The following DZANK1 variants were observed in gnomAD, a reference collection of about 807,000 sequenced individuals.
DZANK1 encodes double zinc ribbon and ankyrin repeat domains 1, also known as double zinc ribbon and ankyrin repeat-containing protein 1.
Under a neutral mutation model 94.5 loss-of-function variants are expected in DZANK1, and 91 were observed. The ratio of observed to expected loss-of-function variants is 0.96; its 90% CI spans 0.81 to 1.15. The LOEUF (loss-of-function observed/expected upper bound fraction) is 1.15, where lower values mean the gene tolerates loss of function less well. Among genes scored for constraint, DZANK1 ranks in the 50% most tolerant of loss-of-function variants. The probability of loss-of-function intolerance (pLI) is 0.00; values close to 1 mark genes in which losing one functional copy is unlikely to be tolerated. For missense variants in DZANK1, 903 were observed against 916.4 expected, an observed-to-expected ratio of 0.99 and a Z score of 0.19; for synonymous variants, 312 against 325.3, an observed-to-expected ratio of 0.96 and a Z score of 0.44.
chr20:18,386,649 A>C (rs561217514), intron 19 of DZANK1, among the ~76,000 whole-genome samples: 3 of 152,314 alleles, frequency 2.0e-5, no homozygotes, highest in East Asian at 1.9e-4. Flanking sequence ...ACAGAAAAGA[A>C]AGACAGACAT....
intron 13 of DZANK1, among the ~76,000 whole-genome samples, chr20:18,401,696 G>A (rs755862349): frequency 1.9e-4 from 29 of 152,212 alleles, no homozygotes; most frequent in Admixed American, 1.2e-3. Flanking sequence ...TGGGTTGGGT[G>A]CTGGCTCAGG....
chr20:18,429,188 A>G (rs753413273), intron 9 of DZANK1, among the ~76,000 whole-genome samples: 9 of 152,222 alleles, frequency 5.9e-5, no homozygotes, highest in Non-Finnish European at 1.0e-4. Context: ...GTTAAAAAAT[A>G]CTGAGATCAA....
intron 9 of DZANK1, among the ~76,000 whole-genome samples, chr20:18,429,628 T>G (rs2058200174): frequency 6.6e-6 from 1 of 152,166 alleles, no homozygotes. Context: ...TACATTAGGG[T>G]CCAGCACTCA....
chr20:18,415,681 T>C (rs970298583), intron 10 of DZANK1, among the ~76,000 whole-genome samples: 5 of 152,152 alleles, frequency 3.3e-5, no homozygotes, highest in Non-Finnish European at 5.9e-5. Flanking sequence ...AGAAAGTCAA[T>C]GAAACTGGTA....
intron 13 of DZANK1, among the ~76,000 whole-genome samples, chr20:18,398,947 C>T (rs1600758898): frequency 1.3e-5 from 2 of 151,922 alleles, no homozygotes; most frequent in South Asian, 4.2e-4. Context: ...GCCTGGCCAA[C>T]ATGGTGAAAC....
At chr20:18,421,877 C>T (rs999399238) in intron 10 of DZANK1, among the ~76,000 whole-genome samples, 2 of 152,156 alleles carry the variant, frequency 1.3e-5, no homozygotes, top group Non-Finnish European at 2.9e-5. Flanking sequence ...CCATGCAGGA[C>T]TGCTCCCTTT....
At chr20:18,464,651 T>G (rs558446231) in intron 2 of DZANK1, among the ~76,000 whole-genome samples, 1 of 151,050 alleles carries the variant, frequency 6.6e-6, no homozygotes, top group Admixed American at 6.6e-5. Flanking sequence ...TTGGAAAAGT[T>G]TGGGGAGCAC....
At chr20:18,398,735 C>A in intron 13 of DZANK1, 109 bp from the exon 14 acceptor site, 1 of 1,082,854 alleles carries the variant, frequency 9.2e-7, no homozygotes. Flanking sequence ...CTTTGTCAAA[C>A]TTTGTGATGG....
Position 18,398,631 on chromosome 20 carries a change from GA to G in DZANK1, c.1433-6del, listed in dbSNP as rs2056497195. ...CCAGCTGTCTTCTCCAGTACCCTAA[GA>G]AAGAAGAGAAACCCCGCCATCTGGA... On this transcript the variant is annotated splice_polypyrimidine_tract_variant and splice_region_variant and intron_variant, in intron 13 of 20. Coordinates refer to ENST00000262547, the Ensembl canonical transcript of DZANK1. The G allele has an allele frequency of 6.2e-7, 1 of 1,612,722 alleles. No individual in the cohort carries two copies.
intron 9 of DZANK1, among the ~76,000 whole-genome samples, chr20:18,429,917 A>AC (rs1233411824): frequency 3.9e-5 from 6 of 152,316 alleles, no homozygotes; most frequent in Admixed American, 3.9e-4. Flanking sequence ...AATTGAGGCT[A>AC]CCATCAGATG....
In DZANK1 at chr20:18,449,085, T is replaced by C. The variant is rs2058999139; in HGVS notation, c.544-16A>G. ...AACCGGGGGACTAAAATTAAGAATA[T>C]AGGTATAAAGACAGAGTCATATAGT... On this transcript the variant is annotated splice_polypyrimidine_tract_variant and intron_variant, in intron 6 of 20. Transcript: ENST00000262547. The C allele has an allele frequency of 1.2e-6, 2 of 1,605,878 alleles. No homozygotes were observed. Among genetic ancestry groups the C allele is most frequent in the Admixed American group, 1.7e-5 (1 of 59,944 alleles).
chr20:18,445,666 T>G (rs1474379660), intron 7 of DZANK1, among the ~76,000 whole-genome samples: 1 of 152,158 alleles, frequency 6.6e-6, no homozygotes, highest in African/African-American at 2.4e-5. Flanking sequence ...TTTGGGAGAC[T>G]AAGGTGGGAG....
chr20:18,412,532 G>T (rs1477171289), intron 13 of DZANK1, 114 bp downstream of exon 13: 1 of 1,106,768 alleles, frequency 9.0e-7, no homozygotes, highest in Non-Finnish European at 1.3e-6. Context: ...GGAAAAGAAA[G>T]AAACTTACTT....
At chr20:18,453,959 CCT>C (rs755892256) in intron 4 of DZANK1, 132 bp from the exon 5 acceptor site, 30 of 775,026 alleles carry the variant, frequency 3.9e-5, no homozygotes, top group Admixed American at 1.2e-4. Context: ...CAAAGTGACC[CCT>C]GTTTCACTTT....
chr20:18,453,814 C>T lies in DZANK1; in HGVS notation c.392G>A (p.Gly131Glu), dbSNP rs777697751. ...TTTCTTTAGTTTTGATCCAACAAATCCATTTTTGAATTCCTAGGAATGAAG... is the reference window on the plus strand; with the variant it reads ...TTTCTTTAGTTTTGATCCAACAAATTCATTTTTGAATTCCTAGGAATGAAG... The change falls in exon 5 of 21, where the codon GGA (glycine) becomes GAA (glutamate). Residue 131 changes from glycine to glutamate, a missense_variant. Coordinates refer to ENST00000262547, the Ensembl canonical transcript of DZANK1. 1.7e-5 allele frequency: 27 copies of T among 1,599,322 alleles called. No individual in the cohort carries two copies. The Middle Eastern group carries it at 5.0e-4, about 29-fold the overall frequency.
At chr20:18,463,291 T>A (rs946120195) in intron 2 of DZANK1, among the ~76,000 whole-genome samples, 1 of 152,128 alleles carries the variant, frequency 6.6e-6, no homozygotes, top group Non-Finnish European at 1.5e-5. Context: ...TTCTCACTTA[T>A]AAATGGGAGC....
Position 18,414,431 on chromosome 20 carries a change from CA to C in DZANK1, c.1158del (p.Cys386TrpfsTer5). Reference sequence around the variant, plus strand: ...TTCACTAGGGACTTCACACAAATACCACAGGAGCCACAGAATCGGGCAGACA... The same window carrying C: ...TTCACTAGGGACTTCACACAAATACCCAGGAGCCACAGAATCGGGCAGACA... On this transcript the variant is annotated frameshift_variant, in exon 12 of 21. Coordinates refer to ENST00000262547, the Ensembl canonical transcript of DZANK1. LOFTEE classifies it high-confidence loss of function. 6.2e-7 allele frequency: 1 copy of C among 1,613,858 alleles called. No homozygotes were observed. Among genetic ancestry groups the C allele is most frequent in the South Asian group, 1.1e-5 (1 of 91,060 alleles).
chr20:18,455,529 C>G (rs1205355672), intron 3 of DZANK1, among the ~76,000 whole-genome samples, 168 bp from the exon 4 acceptor site: 1 of 152,174 alleles, frequency 6.6e-6, no homozygotes, highest in Non-Finnish European at 1.5e-5. Flanking sequence ...GACCTCCTTC[C>G]TTTTGGGCTA....
intron 16 of DZANK1, among the ~76,000 whole-genome samples, 182 bp downstream of exon 16, chr20:18,394,072 C>T (rs1703970547): frequency 6.6e-6 from 1 of 152,106 alleles, no homozygotes; most frequent in Admixed American, 6.5e-5. Flanking sequence ...TTCCCCAAGC[C>T]CTGTAAAGGA....
Sources: gnomAD v4.1 joint callset for allele counts (sites outside exome capture counted in the v4.1 genomes callset) on GRCh38, gnomAD v4.1.1 for gene constraint, MANE v1.5 for transcripts, NCBI Gene and HGNC (gene_info 2026-07-23, HGNC 2026-07-21) for gene names.